The following BNC2 variants were observed in gnomAD, a reference collection of about 807,000 sequenced individuals.
The protein encoded by BNC2 is zinc finger protein basonuclin-2.
BNC2 carries 20 observed loss-of-function variants against 76.3 expected under a neutral mutation model. The observed-to-expected ratio is 0.26, with a 90% CI of 0.18 to 0.38. The LOEUF (loss-of-function observed/expected upper bound fraction) is 0.38. Ranked by LOEUF, BNC2 falls within the 10% of genes least tolerant of loss-of-function variation. The pLI is 1.00. For missense variants in BNC2, 1,382 were observed against 1,399.8 expected, an observed-to-expected ratio of 0.99 and a Z score of 0.20; for synonymous variants, 582 against 514.8, an observed-to-expected ratio of 1.13 and a Z score of -1.77.
At chr9:16,856,952 A>G (rs777018412) in intron 1 of BNC2, among the ~76,000 whole-genome samples, 20 of 152,340 alleles carry the variant, frequency 1.3e-4, no homozygotes, top group South Asian at 4.1e-4. Flanking sequence ...TCAGTTACTT[A>G]CATTCTTTAT....
chr9:16,729,808 T>C (rs1333670494), intron 2 of BNC2, among the ~76,000 whole-genome samples: 1 of 152,154 alleles, frequency 6.6e-6, no homozygotes, highest in East Asian at 1.9e-4. Context: ...ATTTCTGAAG[T>C]GGCACTCAGT....
At chr9:16,772,511 G>A (rs1330605248) in intron 1 of BNC2, among the ~76,000 whole-genome samples, 1 of 152,050 alleles carries the variant, frequency 6.6e-6, no homozygotes, top group Non-Finnish European at 1.5e-5. Flanking sequence ...CTTAGTAGAT[G>A]AAAACCTTTT....
intron 4 of BNC2, among the ~76,000 whole-genome samples, chr9:16,555,197 G>A (rs529609639): frequency 6.7e-6 from 1 of 149,568 alleles, no homozygotes; most frequent in Non-Finnish European, 1.5e-5. Flanking sequence ...TTTTTTTTTT[G>A]TATTTTTGGT....
intron 3 of BNC2, among the ~76,000 whole-genome samples, chr9:16,724,663 C>A (rs900537494): frequency 1.3e-5 from 2 of 152,054 alleles, no homozygotes; most frequent in Non-Finnish European, 2.9e-5. Flanking sequence ...TTATTTGTTA[C>A]TATTAGACAG....
At chr9:16,637,134 G>T (rs2133810080) in intron 3 of BNC2, among the ~76,000 whole-genome samples, 1 of 149,784 alleles carries the variant, frequency 6.7e-6, no homozygotes, top group East Asian at 2.0e-4. Context: ...ATACCCTTAT[G>T]GCTTTTATTA....
At chr9:16,851,827 G>A (rs1819134123) in intron 1 of BNC2, among the ~76,000 whole-genome samples, 1 of 152,180 alleles carries the variant, frequency 6.6e-6, no homozygotes, top group South Asian at 2.1e-4. Flanking sequence ...AATTTTTTCA[G>A]TCACTGAAAG....
chr9:16,604,106 G>A (rs181464506), intron 3 of BNC2, among the ~76,000 whole-genome samples: 10 of 152,086 alleles, frequency 6.6e-5, no homozygotes, highest in Admixed American at 2.0e-4. Flanking sequence ...AATTCTCTTC[G>A]TATTGTTCTA....
At chr9:16,823,481 T>C (rs1818386693) in intron 1 of BNC2, among the ~76,000 whole-genome samples, 1 of 151,200 alleles carries the variant, frequency 6.6e-6, no homozygotes, top group South Asian at 2.1e-4. Flanking sequence ...CATGTCCCTG[T>C]GTTCCCAGCT....
chr9:16,785,417 CAG>C (rs1455358413), intron 1 of BNC2, among the ~76,000 whole-genome samples: 4 of 152,076 alleles, frequency 2.6e-5, no homozygotes, highest in Non-Finnish European at 5.9e-5. Context: ...TTAGTTAAGA[CAG>C]AGTTTTGCTC....
At chr9:16,657,298 G>GATTGAACT (rs1485562594) in intron 3 of BNC2, among the ~76,000 whole-genome samples, 3 of 152,162 alleles carry the variant, frequency 2.0e-5, no homozygotes, top group African/African-American at 7.2e-5. Flanking sequence ...GAAAAATAAA[G>GATTGAACT]ATTGAACTGG....
At chr9:16,583,355 C>A (rs2133061129) in intron 3 of BNC2, among the ~76,000 whole-genome samples, 1 of 152,028 alleles carries the variant, frequency 6.6e-6, no homozygotes, top group East Asian at 1.9e-4. Context: ...ATTACATATT[C>A]GATAAGATAC....
intron 5 of BNC2, among the ~76,000 whole-genome samples, chr9:16,547,688 C>G (rs1367817284): frequency 6.6e-6 from 1 of 152,108 alleles, no homozygotes; most frequent in Non-Finnish European, 1.5e-5. Context: ...AAATTACCCA[C>G]GCAGAGACAC....
chr9:16,811,230 C>CAAAAAAA (rs58068661), intron 1 of BNC2, among the ~76,000 whole-genome samples: 25 of 97,546 alleles, frequency 2.6e-4, no homozygotes, highest in African/African-American at 9.0e-4. Context: ...CTCAAAAGAC[C>CAAAAAAA]AAAAAAAAAA....
chr9:16,653,032 T>TA (rs2133966303), intron 3 of BNC2, among the ~76,000 whole-genome samples: 1 of 152,276 alleles, frequency 6.6e-6, no homozygotes, highest in African/African-American at 2.4e-5. Flanking sequence ...TGTTTCTATT[T>TA]ATATTAGATG....
intron 1 of BNC2, among the ~76,000 whole-genome samples, chr9:16,839,268 A>G (rs551869004): frequency 1.3e-5 from 2 of 152,332 alleles, no homozygotes; most frequent in South Asian, 4.1e-4. Flanking sequence ...TGCTCAACCA[A>G]TCATAACTAG....
intron 1 of BNC2, among the ~76,000 whole-genome samples, chr9:16,851,697 G>C (rs952011291): frequency 6.6e-6 from 1 of 152,034 alleles, no homozygotes; most frequent in African/African-American, 2.4e-5. Flanking sequence ...TTAAGTCACA[G>C]ATACCCAAAG....
At chr9:16,558,980 A>G (rs1417033390) in intron 4 of BNC2, among the ~76,000 whole-genome samples, 3 of 152,050 alleles carry the variant, frequency 2.0e-5, no homozygotes, top group African/African-American at 7.2e-5. Context: ...TCGGTGTTCA[A>G]CTAAAAGTAT....
At chr9:16,670,712 G>C (rs1033044478) in intron 3 of BNC2, among the ~76,000 whole-genome samples, 2 of 152,180 alleles carry the variant, frequency 1.3e-5, no homozygotes, top group Non-Finnish European at 2.9e-5. Flanking sequence ...ATCCCTTCAA[G>C]TAACAAAGTG....
intron 4 of BNC2, among the ~76,000 whole-genome samples, chr9:16,553,107 T>C (rs1177875906): frequency 6.6e-6 from 1 of 152,160 alleles, no homozygotes; most frequent in African/African-American, 2.4e-5. Flanking sequence ...AACTGAACTG[T>C]GTTTCAACCC....
Sources: allele counts gnomAD v4.1 joint callset (sites outside exome capture counted in the v4.1 genomes callset), GRCh38; gene constraint gnomAD v4.1.1; transcripts MANE v1.5; gene names NCBI Gene and HGNC (gene_info 2026-07-23, HGNC 2026-07-21).